PLS3: variants seen among roughly 807,000 people sequenced by gnomAD.
PLS3 encodes the protein plastin 3, also known as plastin-3.
A neutral mutation model predicts 46.5 loss-of-function variants in PLS3; 11 were observed. The observed-to-expected ratio is 0.24, with a 90% CI of 0.15 to 0.39. PLS3 has a LOEUF of 0.39. PLS3 is among the 10% of genes least tolerant of loss of function. PLS3 has a pLI of 1.00. For synonymous variants in PLS3, 167 were observed against 162.2 expected, an observed-to-expected ratio of 1.03 and a Z score of -0.22; for missense variants, 308 against 461.8, an observed-to-expected ratio of 0.67 and a Z score of 3.05.
intron 15 of PLS3, 60 bp downstream of exon 15, chrX:115,648,077 T>A (rs781945051): frequency 2.2e-6 from 2 of 927,990 alleles, no homozygotes; most frequent in Non-Finnish European, 3.1e-6. Context: ...CAGATCTGAA[T>A]TCTAATTCAG....
At chrX:115,639,758 T>C (rs1556640745) in intron 8 of PLS3, 2 of 356,997 alleles carry the variant, frequency 5.6e-6, no homozygotes, top group South Asian at 2.6e-5. Flanking sequence ...ACAACCTGAA[T>C]TCATGTTGAC....
intron 3 of PLS3, among the ~76,000 whole-genome samples, chrX:115,628,393 C>T (rs191383304): frequency 2.7e-5 from 3 of 112,369 alleles, no homozygotes; most frequent in East Asian, 2.8e-4. Context: ...AAGTTGTATA[C>T]GGTTTCTACA....
At chrX:115,628,420 C>G (rs1200635040) in intron 3 of PLS3, among the ~76,000 whole-genome samples, 1 of 112,326 alleles carries the variant, frequency 8.9e-6, no homozygotes, top group African/African-American at 3.2e-5. Flanking sequence ...TCCTGTTTTA[C>G]TGGCTTTGAC....
chrX:115,601,759 G>T (rs1249796267), intron 1 of PLS3, among the ~76,000 whole-genome samples: 1 of 111,842 alleles, frequency 8.9e-6, no homozygotes, highest in East Asian at 2.8e-4. Context: ...GTGGTTGACT[G>T]ATCCTCCCTT....
At chrX:115,582,537 G>A (rs782500382) in intron 1 of PLS3, among the ~76,000 whole-genome samples, 11 of 111,831 alleles carry the variant, frequency 9.8e-5, no homozygotes, top group Admixed American at 5.7e-4. Flanking sequence ...ATTTTGTAGG[G>A]AAGCTCCTAT....
At position 115,613,101 on chromosome X, in the gene PLS3, A is replaced by C. The variant is rs140154150; in HGVS notation, c.73+2778A>C. 6.5e-3 allele frequency among the ~76,000 whole-genome samples: 728 copies of C among 112,103 alleles called. 5 individuals are homozygous for C. The highest frequency in any genetic ancestry group is 0.022 in the African/African-American group (677 of 30,910). On this transcript the variant is annotated intron_variant, in intron 2 of 15. Coordinates refer to ENST00000355899, the MANE Select transcript of PLS3 (RefSeq NM_005032.7). ...GGATGATTACTTGTCATAAAGAAAA[A>C]TTCATGTAATGTAAACCTTTGCAGA...
rs1450367091 is a variant in PLS3, at chrX:115,645,080, C to A, written c.1243C>A (p.His415Asn). 9 of 1,170,498 alleles carry A rather than the reference C, an allele frequency of 7.7e-6. No homozygotes were observed. The highest frequency in any genetic ancestry group is 1.0e-5 in the Non-Finnish European group (9 of 859,998). ...NWMNSLGVNP[H>N]VNHLYADLQD... ...GATGAACTCTCTTGGTGTCAATCCT[C>A]ACGTAAACCATCTCTATGCGTAAGC... is the stretch of plus-strand genomic sequence containing the variant. The change falls in exon 11 of 16, where the codon CAC becomes AAC. Residue 415 changes from histidine to asparagine, a missense_variant. Around this residue, in one of 2 missense-constraint regions of PLS3, gnomAD observed 271 missense variants for 435.7 expected, o/e 0.62. Coordinates refer to ENST00000355899, the MANE Select transcript of PLS3 (RefSeq NM_005032.7).
chrX:115,601,718 G>T (rs1472031253), intron 1 of PLS3, among the ~76,000 whole-genome samples: 1 of 111,480 alleles, frequency 9.0e-6, no homozygotes, highest in African/African-American at 3.3e-5. Context: ...AAGAATCTCA[G>T]ATATTGCAAG....
intron 1 of PLS3, among the ~76,000 whole-genome samples, chrX:115,587,464 G>A (rs1449727055): frequency 8.9e-6 from 1 of 111,963 alleles, no homozygotes; most frequent in Non-Finnish European, 1.9e-5. Context: ...GGCCGGGCGC[G>A]GTGGCTCACG....
At chrX:115,562,925 T>C (rs1305438814) in intron 1 of PLS3, among the ~76,000 whole-genome samples, 3 of 111,398 alleles carry the variant, frequency 2.7e-5, no homozygotes, top group East Asian at 5.6e-4. Context: ...AAAGGGAATT[T>C]GGTGCTCAGC....
chrX:115,572,064 A>G (rs1359620350), intron 1 of PLS3, among the ~76,000 whole-genome samples: 1 of 112,304 alleles, frequency 8.9e-6, no homozygotes, highest in Non-Finnish European at 1.9e-5. Flanking sequence ...ATAGAGCCAA[A>G]TTATCATTAA....
intron 1 of PLS3, among the ~76,000 whole-genome samples, chrX:115,580,819 T>G (rs1298273106): frequency 3.6e-5 from 4 of 112,489 alleles, no homozygotes; most frequent in Non-Finnish European, 7.5e-5. Context: ...AGTCTAACGC[T>G]AGTTCTTATT....
intron 8 of PLS3, among the ~76,000 whole-genome samples, 163 bp downstream of exon 8, chrX:115,637,141 T>TATCTATATAAAATAA (rs1428939651): frequency 3.6e-5 from 4 of 112,132 alleles, no homozygotes; most frequent in African/African-American, 1.3e-4. Context: ...TAAGGTACAT[T>TATCTATATAAAATAA]AGCACCTATG....
intron 5 of PLS3, among the ~76,000 whole-genome samples, chrX:115,631,323 G>A (rs797028406): frequency 1.2e-4 from 13 of 109,225 alleles, no homozygotes; most frequent in African/African-American, 2.0e-4. Context: ...TGCCCGCCTC[G>A]GCCTCCCAAA....
intron 1 of PLS3, among the ~76,000 whole-genome samples, chrX:115,565,142 T>C (rs782187851): frequency 7.1e-5 from 8 of 111,923 alleles, no homozygotes; most frequent in African/African-American, 1.9e-4. Flanking sequence ...GTTAAAGTTA[T>C]GGAAACAGTC....
intron 11 of PLS3, 84 bp from the exon 12 acceptor site, chrX:115,645,988 T>C: frequency 1.9e-6 from 1 of 527,489 alleles, no homozygotes; most frequent in African/African-American, 2.3e-5. Flanking sequence ...TATATCTTGT[T>C]TGACAATGTA....
chrX:115,626,264 C>G lies in PLS3; in HGVS notation c.238-2934C>G, dbSNP rs192765635. The stretch of plus-strand genomic sequence containing the variant: ...AATCAATATCATAGACACAAATCTT[C>G]AGTTCTTTCTTATCATTTTTACTTT... On this transcript the variant is annotated intron_variant, in intron 3 of 15. Coordinates refer to ENST00000355899, the MANE Select transcript of PLS3 (RefSeq NM_005032.7). Among the ~76,000 whole-genome samples the G allele has an allele frequency of 4.8e-3, 527 of 110,685 alleles. 7 individuals carry two copies. Among genetic ancestry groups the G allele is most frequent in the African/African-American group, 0.016 (499 of 30,458 alleles).
intron 1 of PLS3, among the ~76,000 whole-genome samples, chrX:115,594,851 G>T (rs2074373738): frequency 9.0e-6 from 1 of 111,003 alleles, no homozygotes; most frequent in Non-Finnish European, 1.9e-5. Flanking sequence ...GATTTTGGGG[G>T]TAGATGTAAA....
At chrX:115,576,407 AAAAAT>A (rs1386347561) in intron 1 of PLS3, among the ~76,000 whole-genome samples, 2 of 111,540 alleles carry the variant, frequency 1.8e-5, no homozygotes, top group Non-Finnish European at 3.8e-5. Flanking sequence ...CATCTCTACT[AAAAAT>A]AAAACAAAAT....
Sources: gnomAD v4.1 joint callset for allele counts (sites outside exome capture counted in the v4.1 genomes callset) on GRCh38, gnomAD v4.1.1 for gene constraint, gnomAD v4.1.1 regional missense constraint, MANE v1.5 for transcripts, NCBI Gene and HGNC (gene_info 2026-07-23, HGNC 2026-07-21) for gene names.